Variants in ACOT7 observed in about 807,000 individuals in gnomAD.
ACOT7 encodes the protein cytosolic acyl coenzyme A thioester hydrolase.
Under a neutral mutation model 40.2 loss-of-function variants are expected in ACOT7, and 12 were observed. The observed-to-expected ratio is 0.30, with a 90% CI of 0.19 to 0.48. The LOEUF is 0.48. Ranked by LOEUF, ACOT7 falls within the 20% of genes least tolerant of loss-of-function variation. The pLI is 0.99. For synonymous variants in ACOT7, 228 were observed against 219.5 expected, an observed-to-expected ratio of 1.04 and a Z score of -0.34; for missense variants, 395 against 530.8, an observed-to-expected ratio of 0.74 and a Z score of 2.51.
chr1:6,303,558 C>T (rs1640028659), intron 6 of ACOT7, among the ~76,000 whole-genome samples: 2 of 152,192 alleles, frequency 1.3e-5, no homozygotes, highest in South Asian at 2.1e-4. Context: ...GCTCGGAGCC[C>T]GTGTGCCGCT....
At chr1:6,389,076 C>T (rs1302580772) in intron 1 of ACOT7, among the ~76,000 whole-genome samples, 59 of 151,988 alleles carry the variant, frequency 3.9e-4, no homozygotes, top group Non-Finnish European at 4.4e-5. Flanking sequence ...GGTAGAGCCC[C>T]TCTTTGTCTT....
rs969233195 is a variant in ACOT7 at position 6,306,502 on chromosome 1, C to T, written c.713-11522G>A. 1.1e-5 allele frequency: 11 copies of T among 985,192 alleles called. No homozygotes were observed. The highest frequency in any genetic ancestry group is 1.1e-4 in the East Asian group (1 of 8,816). The allele number at this position is 985,192 out of a possible 1,614,324, so 61.0% of individuals were successfully genotyped here. ...TTCAAGTTCACCAGTCCCCACGTCC[C>T]GCTCCCCCGCTGAAGCATCAGGATG... On this transcript the variant is annotated intron_variant, in intron 6 of 8. Transcript: ENST00000361521. The surrounding 1 kb of genome is among the most constrained non-coding windows in gnomAD (Gnocchi z 4.3).
Position 6,269,719 on chromosome 1 carries a change from T to A in ACOT7, c.1015-5024A>T, listed in dbSNP as rs200004038. Among the ~76,000 whole-genome samples, 36 of 152,278 alleles carry A rather than the reference T, an allele frequency of 2.4e-4. No individual in the cohort carries two copies. In the East Asian group the frequency reaches 6.8e-3, roughly 29 times the overall value. On this transcript the variant is annotated intron_variant, in intron 8 of 8. Transcript: ENST00000361521. Reference sequence around the variant, plus strand: ...CTCAGACAAAGCAAATGCTGTCTGATGATGGATGGATGTGTGGGAGCCTGA... The same window carrying A: ...CTCAGACAAAGCAAATGCTGTCTGAAGATGGATGGATGTGTGGGAGCCTGA...
chr1:6,358,877 A>G lies in ACOT7; in HGVS notation c.144-9011T>C, dbSNP rs764686667. The stretch of plus-strand genomic sequence containing the variant: ...TAGGACATCCCAGGATCAGATGCAG[A>G]GAAAGGCGAGGGAGCAGGGAAGCAT... On this transcript the variant is annotated intron_variant, in intron 1 of 8. Coordinates refer to ENST00000361521, the MANE Select transcript of ACOT7 (RefSeq NM_007274.4). This position sits in a 1 kb window ranked among gnomAD's most constrained non-coding sequence, Gnocchi z 4.1. The G allele has an allele frequency of 1.7e-5, 28 of 1,613,308 alleles. No homozygotes were observed. The Admixed American group carries it at 4.3e-4, about 25-fold the overall frequency.
intron 1 of ACOT7, among the ~76,000 whole-genome samples, chr1:6,390,834 G>A (rs959613098): frequency 2.0e-5 from 3 of 151,946 alleles, no homozygotes; most frequent in African/African-American, 7.3e-5. Flanking sequence ...AACTCAGGAG[G>A]CTGAGGTGGA....
chr1:6,376,838 T>C (rs868003867), intron 1 of ACOT7, among the ~76,000 whole-genome samples: 3 of 150,766 alleles, frequency 2.0e-5, no homozygotes, highest in Non-Finnish European at 4.4e-5. Flanking sequence ...AGAGCGAACA[T>C]GGCGACAGAG....
At chr1:6,360,310 G>C (rs1641859490) in intron 1 of ACOT7, among the ~76,000 whole-genome samples, 1 of 152,210 alleles carries the variant, frequency 6.6e-6, no homozygotes, top group African/African-American at 2.4e-5. Context: ...TCTGGCCCAA[G>C]CCTGGCAGCT....
chr1:6,293,565 G>A (rs933896792), intron 7 of ACOT7, among the ~76,000 whole-genome samples: 3 of 152,238 alleles, frequency 2.0e-5, no homozygotes, highest in African/African-American at 7.2e-5. Flanking sequence ...GCTGGTTGTG[G>A]TGGTGCATGT....
chr1:6,393,311 G>A lies in ACOT7; in HGVS notation c.89C>T (p.Ala30Val). 7.8e-7 allele frequency: 1 copy of A among 1,281,282 alleles called. No individual in the cohort carries two copies. The highest frequency in any genetic ancestry group is 9.9e-7 in the Non-Finnish European group (1 of 1,013,916). The allele number at this position is 1,281,282 out of a possible 1,614,324, so 79.4% of individuals were successfully genotyped here. A position where few individuals can be genotyped will look rare whatever the true frequency, so the allele number is the denominator to read the frequency against. Reference protein sequence around the residue: ...LQPPAASAAAAPSMSGPDVET... With the variant: ...LQPPAASAAAVPSMSGPDVET... ...GACGTCTGGGCCCGACATGCTGGGGGCTGCGGCGGCGGATGCGGCGGGCGG... is the reference window on the plus strand; with the variant it reads ...GACGTCTGGGCCCGACATGCTGGGGACTGCGGCGGCGGATGCGGCGGGCGG... The change falls in exon 1 of 9, where the codon GCC becomes GTC. Residue 30 changes from alanine to valine, a missense_variant. By Grantham distance (64) the Ala-to-Val change is moderately conservative (BLOSUM62 0). Coordinates refer to ENST00000361521, the MANE Select transcript of ACOT7 (RefSeq NM_007274.4).
At chr1:6,303,064 T>C (rs1385894349) in intron 6 of ACOT7, among the ~76,000 whole-genome samples, 1 of 152,192 alleles carries the variant, frequency 6.6e-6, no homozygotes, top group Non-Finnish European at 1.5e-5. Flanking sequence ...AGCCACTGTC[T>C]CCCTTTCACT....
intron 6 of ACOT7, among the ~76,000 whole-genome samples, chr1:6,304,693 G>A (rs57636288): frequency 7.5e-6 from 1 of 132,634 alleles, no homozygotes; most frequent in Non-Finnish European, 1.6e-5. Flanking sequence ...ACATGTTTCA[G>A]AGAGCACAGG....
chr1:6,339,575 G>A lies in ACOT7; in HGVS notation c.276C>T (p.Ala92=), dbSNP rs374744142. 33 of 1,613,192 alleles carry A rather than the reference G, an allele frequency of 2.0e-5. No homozygotes were observed. Among genetic ancestry groups the A allele is most frequent in the African/African-American group, 5.3e-5 (4 of 74,910 alleles). Residue 92 remains alanine, a synonymous_variant, in exon 3 of 9, where the codon GCC becomes GCT. Transcript: ENST00000361521. ...CGGTGCGCTCGACACGAGCCAGGGC[G>A]GCCACACAGCGCTCCTGTGGAGACA... The part of the protein sequence containing the change: ...CNSQNGERCV[A]ALARVERTDF...
At position 6,302,270 on chromosome 1, in the gene ACOT7, C is replaced by T. The variant is rs56739208; in HGVS notation, c.713-7290G>A. ...CCCAAAGGATCTCATCTGGAAGGAT[C>T]TTTGTCCACTTCAGGTCATCTGCAC... is the stretch of plus-strand genomic sequence containing the variant. On this transcript the variant is annotated intron_variant, in intron 6 of 8. Coordinates refer to ENST00000361521, the MANE Select transcript of ACOT7 (RefSeq NM_007274.4). Among the ~76,000 whole-genome samples the T allele has an allele frequency of 9.6e-3, 1,461 of 152,220 alleles. 26 individuals are homozygous for T. Among genetic ancestry groups the T allele is most frequent in the African/African-American group, 0.033 (1,378 of 41,536 alleles).
Position 6,289,974 on chromosome 1 carries a change from C to A in ACOT7, c.829+4890G>T, listed in dbSNP as rs1376706095. Among the ~76,000 whole-genome samples the A allele has an allele frequency of 6.6e-6, 1 of 152,168 alleles. No individual in the cohort carries two copies. The highest frequency in any genetic ancestry group is 2.4e-5 in the African/African-American group (1 of 41,422). The stretch of plus-strand genomic sequence containing the variant: ...ACCTCACGTGGCAAAGGGGACTCTG[C>A]AGACATTGACTAAGTGACAGCCCTG... On this transcript the variant is annotated intron_variant, in intron 7 of 8. Transcript: ENST00000361521. This position sits in a 1 kb window ranked among gnomAD's most constrained non-coding sequence, Gnocchi z 4.6.
intron 1 of ACOT7, among the ~76,000 whole-genome samples, chr1:6,390,835 C>T (rs1362406130): frequency 1.3e-5 from 2 of 151,878 alleles, no homozygotes; most frequent in East Asian, 3.9e-4. Flanking sequence ...ACTCAGGAGG[C>T]TGAGGTGGAA....
intron 2 of ACOT7, 110 bp from the exon 3 acceptor site, chr1:6,339,699 T>C (rs1557658372): frequency 7.5e-6 from 10 of 1,330,636 alleles, no homozygotes; most frequent in Non-Finnish European, 9.1e-6. Flanking sequence ...CATTCCCCAC[T>C]GTGAAAGCAA....
At chr1:6,323,559 A>C (rs535348132) in intron 5 of ACOT7, among the ~76,000 whole-genome samples, 1 of 151,838 alleles carries the variant, frequency 6.6e-6, no homozygotes, top group East Asian at 1.9e-4. Context: ...CTCTACAAAA[A>C]ATACAAAAAT....
chr1:6,283,037 G>T, intron 7 of ACOT7: 1 of 404,648 alleles, frequency 2.5e-6, no homozygotes. Flanking sequence ...TCCATGAGCA[G>T]AAACCAACAA....
At chr1:6,290,834 G>A (rs1639641293) in intron 7 of ACOT7, among the ~76,000 whole-genome samples, 2 of 152,204 alleles carry the variant, frequency 1.3e-5, no homozygotes, top group Admixed American at 1.3e-4. Flanking sequence ...TAGTGAGGCT[G>A]CTCTCTGAAG....
Sources: gnomAD v4.1 joint callset for allele counts (sites outside exome capture counted in the v4.1 genomes callset) on GRCh38, gnomAD v4.1.1 for gene constraint, Gnocchi (gnomAD v3.1) non-coding constraint, MANE v1.5 for transcripts, NCBI Gene and HGNC (gene_info 2026-07-23, HGNC 2026-07-21) for gene names.